The following GRM7 variants were observed in gnomAD, a reference collection of about 807,000 sequenced individuals.
GRM7 encodes glutamate metabotropic receptor 7.
In GRM7, 35 loss-of-function variants were observed where a neutral mutation model predicts 84.5. The ratio of observed to expected loss-of-function variants is 0.41; its 90% confidence interval spans 0.32 to 0.55. The LOEUF (loss-of-function observed/expected upper bound fraction) is 0.55. Among genes scored for constraint, GRM7 ranks in the 20% least tolerant of loss-of-function variants. GRM7 has a pLI of 0.19. For synonymous variants in GRM7, 487 were observed against 455.1 expected (o/e 1.07, Z -0.89); for missense variants, 1,003 against 1,194.6 (o/e 0.84, Z 2.36).
intron 1 of GRM7, among the ~76,000 whole-genome samples, chr3:7,046,196 C>T (rs967553834): frequency 2.0e-5 from 3 of 152,046 alleles, no homozygotes; most frequent in African/African-American, 7.2e-5. Context: ...GGTTCTGTGT[C>T]TATTCAGTAA....
At chr3:7,509,011 A>G (rs1037456108) in intron 7 of GRM7, among the ~76,000 whole-genome samples, 2 of 152,168 alleles carry the variant, frequency 1.3e-5, no homozygotes, top group Non-Finnish European at 2.9e-5. Context: ...AGAAATAATA[A>G]GTTTTAAGTT....
At chr3:7,047,943 G>A (rs549831432) in intron 1 of GRM7, among the ~76,000 whole-genome samples, 14 of 151,814 alleles carry the variant, frequency 9.2e-5, no homozygotes, top group Non-Finnish European at 1.3e-4. Flanking sequence ...ATTATAATTC[G>A]GTTTAGCTGC....
At chr3:7,313,947 T>G (rs1248037730) in intron 4 of GRM7, among the ~76,000 whole-genome samples, 1 of 151,926 alleles carries the variant, frequency 6.6e-6, no homozygotes, top group African/African-American at 2.4e-5. Context: ...ATTTAATATT[T>G]TAAACAAATA....
chr3:7,499,280 C>A (rs1320845837), intron 7 of GRM7, among the ~76,000 whole-genome samples: 1 of 152,216 alleles, frequency 6.6e-6, no homozygotes, highest in Non-Finnish European at 1.5e-5. Flanking sequence ...CTTTCCTAAC[C>A]TAGCCTTGGG....
At chr3:6,977,981 G>A (rs1204989432) in intron 1 of GRM7, among the ~76,000 whole-genome samples, 1 of 152,122 alleles carries the variant, frequency 6.6e-6, no homozygotes, top group Non-Finnish European at 1.5e-5. Flanking sequence ...AAGAGTAGTG[G>A]TTTGAGTGGT....
At chr3:7,400,845 T>C (rs1695418235) in intron 4 of GRM7, among the ~76,000 whole-genome samples, 1 of 152,200 alleles carries the variant, frequency 6.6e-6, no homozygotes, top group East Asian at 1.9e-4. Flanking sequence ...AATTACTTAT[T>C]CTGTATGAGT....
chr3:7,674,276 C>G (rs1395331013), intron 8 of GRM7, among the ~76,000 whole-genome samples: 1 of 151,884 alleles, frequency 6.6e-6, no homozygotes, highest in East Asian at 1.9e-4. Context: ...ACTGCAACCT[C>G]TGCCTTCTGG....
intron 7 of GRM7, among the ~76,000 whole-genome samples, chr3:7,549,534 C>A (rs1345629141): frequency 6.6e-6 from 1 of 152,112 alleles, no homozygotes; most frequent in Non-Finnish European, 1.5e-5. Context: ...AACTGAAGCA[C>A]CTTAACTATT....
In GRM7 at chr3:7,449,087, A is replaced by G. The variant is rs563184349; in HGVS notation, c.1175-3520A>G. On this transcript the variant is annotated intron_variant, in intron 5 of 9. Coordinates refer to ENST00000357716, the MANE Select transcript of GRM7 (RefSeq NM_000844.4). Reference sequence around the variant, plus strand: ...AGAATTTAGTTAGTGGGTTCACTCTAAAGTTCTTTTAACATTGCTCAATGT... The same window carrying G: ...AGAATTTAGTTAGTGGGTTCACTCTGAAGTTCTTTTAACATTGCTCAATGT... Among the ~76,000 whole-genome samples, 4 of 152,256 alleles carry G rather than the reference A, an allele frequency of 2.6e-5. 1 individual carries two copies. In the South Asian group the frequency reaches 6.2e-4, roughly 24 times the overall value.
chr3:7,736,167 C>T (rs532686279), intron 9 of GRM7, among the ~76,000 whole-genome samples: 119 of 152,134 alleles, frequency 7.8e-4, no homozygotes, highest in Middle Eastern at 3.2e-3. Context: ...ATTTCTTCAT[C>T]TACAAATTGT....
intron 7 of GRM7, among the ~76,000 whole-genome samples, chr3:7,512,033 T>C (rs1161175804): frequency 6.6e-6 from 1 of 152,066 alleles, no homozygotes; most frequent in Non-Finnish European, 1.5e-5. Flanking sequence ...AAGTCCCAGC[T>C]ACTTGGAAGT....
In GRM7 at chr3:7,208,182, G is replaced by T. The variant is rs561238665; in HGVS notation, c.736+61514G>T. ...ACCTCTCCAAAAGTCTCATTCATTT[G>T]TTCATTCATTCATTCACTCATTTAT... On this transcript the variant is annotated intron_variant, in intron 2 of 9. Transcript: ENST00000357716. Among the ~76,000 whole-genome samples, 51 of 152,270 alleles carry T rather than the reference G, an allele frequency of 3.3e-4. 1 individual carries two copies. The highest frequency in any genetic ancestry group is 5.6e-4 in the Non-Finnish European group (38 of 68,018).
chr3:7,349,566 G>A (rs1049834392), intron 4 of GRM7, among the ~76,000 whole-genome samples: 2 of 152,142 alleles, frequency 1.3e-5, no homozygotes, highest in Non-Finnish European at 2.9e-5. Flanking sequence ...ATCCCTGGGT[G>A]TCCTAGTCGT....
intron 1 of GRM7, among the ~76,000 whole-genome samples, chr3:6,868,258 C>T (rs757964176): frequency 4.6e-5 from 7 of 152,160 alleles, no homozygotes; most frequent in Non-Finnish European, 8.8e-5. Context: ...TGACAACAAA[C>T]CACTACGTAT....
intron 1 of GRM7, among the ~76,000 whole-genome samples, chr3:6,973,446 C>G (rs1006883676): frequency 6.6e-6 from 1 of 152,142 alleles, no homozygotes; most frequent in Non-Finnish European, 1.5e-5. Flanking sequence ...CAAACACACA[C>G]ATGTAAATTT....
chr3:7,248,164 C>T (rs962073816), intron 2 of GRM7, among the ~76,000 whole-genome samples: 3 of 152,164 alleles, frequency 2.0e-5, no homozygotes, highest in Non-Finnish European at 1.5e-5. Context: ...CAGACTTATA[C>T]TCAATGCTTA....
intron 1 of GRM7, among the ~76,000 whole-genome samples, chr3:7,066,984 TA>T (rs1225019903): frequency 6.6e-6 from 1 of 151,818 alleles, no homozygotes; most frequent in Admixed American, 6.6e-5. Flanking sequence ...ACTTTATGCT[TA>T]AAACTCTCAG....
chr3:6,874,536 T>G (rs1008907643), intron 1 of GRM7, among the ~76,000 whole-genome samples: 24 of 152,158 alleles, frequency 1.6e-4, no homozygotes, highest in Admixed American at 2.6e-4. Context: ...ATCATTTTCT[T>G]CTCCCACTCG....
At chr3:7,029,574 G>T (rs1252695057) in intron 1 of GRM7, among the ~76,000 whole-genome samples, 1 of 152,152 alleles carries the variant, frequency 6.6e-6, no homozygotes, top group Admixed American at 6.5e-5. Context: ...GAACCTTGAA[G>T]TACCTTGCAA....
Sources: gnomAD v4.1 joint callset for allele counts (sites outside exome capture counted in the v4.1 genomes callset) on GRCh38, gnomAD v4.1.1 for gene constraint, MANE v1.5 for transcripts, NCBI Gene and HGNC (gene_info 2026-07-23, HGNC 2026-07-21) for gene names.